The following FARSA variants were observed in gnomAD, a reference collection of about 807,000 sequenced individuals.
FARSA encodes the protein phenylalanine--tRNA ligase alpha subunit.
In FARSA, 37 loss-of-function variants were observed where a neutral mutation model predicts 63.2. The observed-to-expected ratio is 0.59, with a 90% CI of 0.45 to 0.77. FARSA has a LOEUF of 0.77. Among genes scored for constraint, FARSA ranks in the 30% least tolerant of loss-of-function variants. The pLI is 0.00. For missense variants in FARSA, 618 were observed against 696.6 expected, an observed-to-expected ratio of 0.89 and a Z score of 1.27; for synonymous variants, 312 against 285.1, an observed-to-expected ratio of 1.09 and a Z score of -0.95.
chr19:12,933,595 G>A lies in FARSA; in HGVS notation c.102C>T (p.His34=). Residue 34 remains histidine (H), a synonymous_variant, in exon 1 of 13, where the codon CAC becomes CAT. Transcript: ENST00000314606. Reference sequence around the variant, plus strand: ...TCTTCACGGCGCCCACCACCGCCTGGTGCTCCATGCCCAGCTCAGCCGCCA... The same window carrying A: ...TCTTCACGGCGCCCACCACCGCCTGATGCTCCATGCCCAGCTCAGCCGCCA... ...AELAAELGME[H]QAVVGAVKSL... 1 of 1,552,922 alleles carries A rather than the reference G, an allele frequency of 6.4e-7. No individual in the cohort carries two copies.
chr19:12,928,569 G>C lies in FARSA; in HGVS notation c.691C>G (p.Arg231Gly). The change falls in exon 6 of 13, where the codon CGC (arginine) becomes GGC (glycine). Residue 231 changes from arginine (R) to glycine (G), a missense_variant. Arg to Gly is a moderately radical substitution (Grantham distance 125, BLOSUM62 -2). Transcript: ENST00000314606. ...SGHLHPLLKVRSQFRQIFLEM... is the reference protein window; with the variant it reads ...SGHLHPLLKVGSQFRQIFLEM... ...AGGAAGATCTGTCGGAACTGGGAGC[G>C]GACCTTGAGCAGCGGGTGAAGGTGG... is the stretch of plus-strand genomic sequence containing the variant. The C allele has an allele frequency of 1.2e-6, 2 of 1,613,988 alleles. No homozygotes were observed. Among genetic ancestry groups the C allele is most frequent in the South Asian group, 1.1e-5 (1 of 91,060 alleles).
intron 4 of FARSA, among the ~76,000 whole-genome samples, chr19:12,929,720 C>T (rs531241779): frequency 6.6e-6 from 1 of 152,270 alleles, no homozygotes; most frequent in Non-Finnish European, 1.5e-5. Context: ...TGACAGAGCC[C>T]GAACTTCAGT....
chr19:12,924,881 G>T lies in FARSA; in HGVS notation c.1026+23C>A, dbSNP rs762114185. Reference sequence around the variant, plus strand: ...TTGACAGCACCCTCTCCCCACTGGGGCCCCCGCCTGGGCCAACCGCACCTT... The same window carrying T: ...TTGACAGCACCCTCTCCCCACTGGGTCCCCCGCCTGGGCCAACCGCACCTT... On this transcript the variant is annotated intron_variant, in intron 9 of 12. Coordinates refer to ENST00000314606, the MANE Select transcript of FARSA (RefSeq NM_004461.3). This position sits in a 1 kb window ranked among gnomAD's most constrained non-coding sequence, Gnocchi z 6.4. The T allele has an allele frequency of 8.1e-6, 13 of 1,613,950 alleles. No individual in the cohort carries two copies. The highest frequency in any genetic ancestry group is 1.1e-5 in the South Asian group (1 of 91,080).
Position 12,922,639 on chromosome 19 carries a change from G to T in FARSA, c.*109C>A. On this transcript the variant is annotated 3_prime_UTR_variant, in exon 13 of 13. Coordinates refer to ENST00000314606, the MANE Select transcript of FARSA (RefSeq NM_004461.3). ...TGGGACAGGTGGGAAAGAGGAAGGT[G>T]GGGGCTGGCCTCACAGAGGCCTCAT... The T allele has an allele frequency of 7.2e-7, 1 of 1,383,032 alleles. No homozygotes were observed. Among genetic ancestry groups the T allele is most frequent in the African/African-American group, 1.4e-5 (1 of 70,276 alleles). 85.7% of individuals were successfully genotyped at this position (1,383,032 alleles called of 1,614,324 possible).
At position 12,924,326 on chromosome 19, in the gene FARSA, C is replaced by T; in HGVS notation, c.1274-61G>A. 6.4e-7 allele frequency: 1 copy of T among 1,556,166 alleles called. No individual in the cohort carries two copies. Among genetic ancestry groups the T allele is most frequent in the Non-Finnish European group, 8.9e-7 (1 of 1,129,344 alleles). On this transcript the variant is annotated intron_variant, in intron 11 of 12. Coordinates refer to ENST00000314606, the MANE Select transcript of FARSA (RefSeq NM_004461.3). This position sits in a 1 kb window ranked among gnomAD's most constrained non-coding sequence, Gnocchi z 6.4. ...GTTGAGTTTCTGGGCACTGCTGGTA[C>T]AGGTTCTGGGTCTAGGTGGTGAGCT... is the stretch of plus-strand genomic sequence containing the variant.
In FARSA at chr19:12,922,619, C is replaced by A; in HGVS notation, c.*129G>T. On this transcript the variant is annotated 3_prime_UTR_variant, in exon 13 of 13. Transcript: ENST00000314606. ...TGTCCCTGGGATTCTGGTCCTGGGACAGGTGGGAAAGAGGAAGGTGGGGGC... is the reference window on the plus strand; with the variant it reads ...TGTCCCTGGGATTCTGGTCCTGGGAAAGGTGGGAAAGAGGAAGGTGGGGGC... 1 of 1,172,456 alleles carries A rather than the reference C, an allele frequency of 8.5e-7. No homozygotes were observed. 72.6% of individuals were successfully genotyped at this position (1,172,456 alleles called of 1,614,324 possible). A position where few individuals can be genotyped will look rare whatever the true frequency, so the allele number is the denominator to read the frequency against.
Position 12,924,480 on chromosome 19 carries a change from C to G in FARSA, c.1242G>C (p.Glu414Asp), listed in dbSNP as rs747413982. Reference sequence around the variant, plus strand: ...GGTAGCTGAACACCTCCATGCTGGGCTCTGTGTATGGGTTGTAGGCTGGCT... The same window carrying G: ...GGTAGCTGAACACCTCCATGCTGGGGTCTGTGTATGGGTTGTAGGCTGGCT... ...RFKPAYNPYT[E>D]PSMEVFSYHQ... Residue 414 changes from glutamate (E) to aspartate (D), a missense_variant, in exon 11 of 13, where the codon GAG becomes GAC. Physicochemically the swap from Glu to Asp is conservative, Grantham distance 45. Transcript: ENST00000314606. This position sits in a 1 kb window ranked among gnomAD's most constrained non-coding sequence, Gnocchi z 6.4. 6.2e-7 allele frequency: 1 copy of G among 1,613,544 alleles called. No homozygotes were observed. Among genetic ancestry groups the G allele is most frequent in the Admixed American group, 1.7e-5 (1 of 60,020 alleles).
rs765125609 is a variant in FARSA, at chr19:12,924,244, AC to A, written c.1294del (p.Val432SerfsTer35). On this transcript the variant is annotated frameshift_variant, in exon 12 of 13. Transcript: ENST00000314606. LOFTEE classifies it high-confidence loss of function. The surrounding 1 kb of genome is among the most constrained non-coding windows in gnomAD (Gnocchi z 6.4). ...YHQGLKKWVE[V>X]GNSGVFRPEM... The stretch of plus-strand genomic sequence containing the variant: ...TGGACGGAAGACCCCCGAGTTTCCG[AC>A]CTCCACCCACTTCTTCAGGCCTGCA... 1.2e-6 allele frequency: 2 copies of A among 1,613,738 alleles called. No individual in the cohort carries two copies. The highest frequency in any genetic ancestry group is 2.7e-5 in the African/African-American group (2 of 74,832).
rs964094746 is a variant in FARSA at position 12,925,144 on chromosome 19, T to A, written c.872A>T (p.Asp291Val). 29 of 1,603,790 alleles carry A rather than the reference T, an allele frequency of 1.8e-5. No homozygotes were observed. The highest frequency in any genetic ancestry group is 2.4e-5 in the Non-Finnish European group (28 of 1,176,188). Residue 291 changes from aspartate (D) to valine (V), a missense_variant, in exon 8 of 13, where the codon GAC becomes GTC. Coordinates refer to ENST00000314606, the MANE Select transcript of FARSA (RefSeq NM_004461.3). ...DPAEALQLPM[D>V]YVQRVKRTHS... ...GGTCCGCTTGACCCGCTGGACATAGTCCATTGGGAGCTGCAGGGCCTCCGC... is the reference window on the plus strand; with the variant it reads ...GGTCCGCTTGACCCGCTGGACATAGACCATTGGGAGCTGCAGGGCCTCCGC...
At chr19:12,928,885 T>A in intron 4 of FARSA, 38 bp from the exon 5 acceptor site, 1 of 1,582,630 alleles carries the variant, frequency 6.3e-7, no homozygotes, top group Non-Finnish European at 8.7e-7. Flanking sequence ...CACTGCCATC[T>A]CCTCCTAGAG....
intron 12 of FARSA, among the ~76,000 whole-genome samples, 168 bp downstream of exon 12, chr19:12,923,982 AC>A (rs1971295523): frequency 6.6e-6 from 1 of 152,226 alleles, no homozygotes; most frequent in Non-Finnish European, 1.5e-5. Context: ...AGAGGGAGGG[AC>A]ATAAGCTGTC....
At chr19:12,927,690 C>G (rs1971341856) in intron 7 of FARSA, among the ~76,000 whole-genome samples, 1 of 132,032 alleles carries the variant, frequency 7.6e-6, no homozygotes. Flanking sequence ...TGAGATCGTG[C>G]CACTGCACTC....
Position 12,927,936 on chromosome 19 carries a change from C to T in FARSA, c.841+406G>A, listed in dbSNP as rs966757504. ...ACTCGGGAGGCTGAGGCAGGAGAATCGCTTGAACCTGGGAGGCAAAGTTTG... is the reference window on the plus strand; with the variant it reads ...ACTCGGGAGGCTGAGGCAGGAGAATTGCTTGAACCTGGGAGGCAAAGTTTG... On this transcript the variant is annotated intron_variant, in intron 7 of 12. Coordinates refer to ENST00000314606, the MANE Select transcript of FARSA (RefSeq NM_004461.3). Among the ~76,000 whole-genome samples, 3 of 140,214 alleles carry T rather than the reference C, an allele frequency of 2.1e-5. No homozygotes were observed. The Admixed American group carries it at 2.3e-4, about 11-fold the overall frequency. 92.0% of individuals were successfully genotyped at this position (140,214 alleles called of 152,430 possible).
rs769683055 is a variant in FARSA at position 12,922,691 on chromosome 19, C to G, written c.*57G>C. ...AATACAAGGTCACTGGCCAGGGATGCAAAGGAGCGCAGCAGCAGGGACTCG... is the reference window on the plus strand; with the variant it reads ...AATACAAGGTCACTGGCCAGGGATGGAAAGGAGCGCAGCAGCAGGGACTCG... On this transcript the variant is annotated 3_prime_UTR_variant, in exon 13 of 13. Coordinates refer to ENST00000314606, the MANE Select transcript of FARSA (RefSeq NM_004461.3). 1.2e-6 allele frequency: 2 copies of G among 1,603,062 alleles called. No individual in the cohort carries two copies. The highest frequency in any genetic ancestry group is 1.1e-5 in the South Asian group (1 of 90,830).
chr19:12,930,770 G>A (rs749235531), intron 1 of FARSA, 21 bp from the exon 2 acceptor site: 1 of 1,602,614 alleles, frequency 6.2e-7, no homozygotes. Context: ...ATGTGGGGAG[G>A]GTGTCCAGGC....
intron 12 of FARSA, among the ~76,000 whole-genome samples, chr19:12,923,914 A>G (rs1254777987): frequency 6.6e-6 from 1 of 152,288 alleles, no homozygotes; most frequent in Middle Eastern, 3.4e-3. Context: ...GCCTGGCCTG[A>G]TGTACTTGTT....
Position 12,922,730 on chromosome 19 carries a change from G to C in FARSA, c.*18C>G, listed in dbSNP as rs1207320982. The C allele has an allele frequency of 6.2e-7, 1 of 1,612,666 alleles. No homozygotes were observed. The highest frequency in any genetic ancestry group is 2.2e-5 in the East Asian group (1 of 44,880). ...AGCAGGGACTCGGGGAGGATGACCTGTCCTAGAGTGGCCCATGTCACGCAG... is the reference window on the plus strand; with the variant it reads ...AGCAGGGACTCGGGGAGGATGACCTCTCCTAGAGTGGCCCATGTCACGCAG... On this transcript the variant is annotated 3_prime_UTR_variant, in exon 13 of 13. Transcript: ENST00000314606.
chr19:12,929,232 G>A (rs556068512), intron 4 of FARSA, among the ~76,000 whole-genome samples: 1 of 152,162 alleles, frequency 6.6e-6, no homozygotes, highest in African/African-American at 2.4e-5. Flanking sequence ...TTGAGACAGA[G>A]TTTTGCTCTT....
rs149267610 is a variant in FARSA, at chr19:12,930,272, C to G, written c.454G>C (p.Gly152Arg). The G allele has an allele frequency of 1.9e-6, 3 of 1,614,162 alleles. No homozygotes were observed. The highest frequency in any genetic ancestry group is 2.5e-6 in the Non-Finnish European group (3 of 1,180,014). The stretch of plus-strand genomic sequence containing the variant: ...CTCAGCTCGCTCCTCTCCTTCTCCC[C>G]CAGCTTCTCAGCCTGTCCCCCCCGG... ...LVRGGQAEKL[G>R]EKERSELRKR... Residue 152 changes from glycine to arginine, a missense_variant, in exon 4 of 13, where the codon GGG (glycine) becomes CGG (arginine). Gly to Arg is a moderately radical substitution (Grantham distance 125, BLOSUM62 -2). Coordinates refer to ENST00000314606, the MANE Select transcript of FARSA (RefSeq NM_004461.3).
Sources: allele counts gnomAD v4.1 joint callset (sites outside exome capture counted in the v4.1 genomes callset), GRCh38; gene constraint gnomAD v4.1.1; non-coding constraint Gnocchi (gnomAD v3.1); transcripts MANE v1.5; gene names NCBI Gene and HGNC (gene_info 2026-07-23, HGNC 2026-07-21).